Variants in MON2 observed in about 807,000 individuals in gnomAD.
MON2 encodes the protein MON2 regulator of endosome-to-Golgi trafficking, also known as protein MON2 homolog.
MON2 carries 84 observed loss-of-function variants against 208.6 expected under a neutral mutation model. That is an observed-to-expected ratio of 0.40 (90% CI 0.34 to 0.48). The LOEUF (loss-of-function observed/expected upper bound fraction) is 0.48. MON2 is among the 20% of genes least tolerant of loss of function. The pLI, the probability that MON2 is intolerant of heterozygous loss-of-function variation, is 0.59. For missense variants in MON2, 1,611 were observed against 2,015.4 expected, an observed-to-expected ratio of 0.80 and a Z score of 3.84; for synonymous variants, 660 against 694.0, an observed-to-expected ratio of 0.95 and a Z score of 0.77.
chr12:62,469,882 TTTTATTTATTTA>T (rs369624327), intron 1 of MON2, among the ~76,000 whole-genome samples: 1 of 117,802 alleles, frequency 8.5e-6, no homozygotes, highest in Non-Finnish European at 1.8e-5. Context: ...TTGACTATTA[TTTTATTTATTTA>T]TTTATTTATT....
chr12:62,577,900 A>G (rs2074850340), intron 30 of MON2, among the ~76,000 whole-genome samples: 2 of 152,116 alleles, frequency 1.3e-5, no homozygotes, highest in African/African-American at 4.8e-5. Flanking sequence ...TCTCAGAACT[A>G]TTGATTTTCT....
chr12:62,497,707 C>CCAGGCTCAAGGAATTCTCGTGCCT (rs2070601236), intron 4 of MON2, among the ~76,000 whole-genome samples: 1 of 152,114 alleles, frequency 6.6e-6, no homozygotes, highest in South Asian at 2.1e-4. Flanking sequence ...CTTCCACCTC[C>CCAGGCTCAAGGAATTCTCGTGCCT]CAGGCTCAAG....
rs1242978505 is a variant in MON2, at chr12:62,571,504, AG to A, written c.4437del (p.Gln1479HisfsTer15). On this transcript the variant is annotated frameshift_variant, in exon 30 of 35. Transcript: ENST00000393630. LOFTEE classifies it high-confidence loss of function. ...VLSIGLPVAR[Q>X]HASSGKFDSM... Reference sequence around the variant, plus strand: ...TCTATTGGGCTACCTGTTGCCCGGCAGCATGCTTCTTCTGGAAAATTTGACA... The same window carrying A: ...TCTATTGGGCTACCTGTTGCCCGGCACATGCTTCTTCTGGAAAATTTGACA... 6.2e-7 allele frequency: 1 copy of A among 1,613,986 alleles called. No homozygotes were observed. The highest frequency in any genetic ancestry group is 8.5e-7 in the Non-Finnish European group (1 of 1,179,980).
chr12:62,532,731 T>C lies in MON2; in HGVS notation c.1633+61T>C. The C allele has an allele frequency of 4.6e-6, 6 of 1,295,264 alleles. No individual in the cohort carries two copies. In the East Asian group the frequency reaches 7.4e-5, roughly 16 times the overall value. The allele number at this position is 1,295,264 out of a possible 1,614,324, so 80.2% of individuals were successfully genotyped here. A position where few individuals can be genotyped will look rare whatever the true frequency, so the allele number is the denominator to read the frequency against. On this transcript the variant is annotated intron_variant, in intron 12 of 34. Transcript: ENST00000393630. ...ATTTGAAATTTACAATTTGCAAAAA[T>C]TGTAGTCTTTATAAATCTTTCACCC...
chr12:62,546,086 C>T (rs981129412), intron 21 of MON2, among the ~76,000 whole-genome samples: 2 of 151,988 alleles, frequency 1.3e-5, no homozygotes, highest in Admixed American at 6.5e-5. Flanking sequence ...CAACAAATTT[C>T]GTGGTTTTAT....
chr12:62,515,741 G>C (rs2071651450), intron 8 of MON2, among the ~76,000 whole-genome samples: 2 of 150,904 alleles, frequency 1.3e-5, no homozygotes, highest in South Asian at 4.2e-4. Flanking sequence ...CTTGAATCTG[G>C]GAGGCAGACG....
chr12:62,525,010 C>T, intron 9 of MON2, 74 bp from the exon 10 acceptor site: 1 of 1,245,472 alleles, frequency 8.0e-7, no homozygotes, highest in Non-Finnish European at 1.1e-6. Context: ...AGTAATATCA[C>T]TTGCTATAAA....
chr12:62,474,714 G>A (rs548802202), intron 1 of MON2, among the ~76,000 whole-genome samples: 5 of 152,294 alleles, frequency 3.3e-5, no homozygotes, highest in African/African-American at 9.6e-5. Flanking sequence ...GTGAGCCATC[G>A]CGGCCAGCCA....
intron 29 of MON2, among the ~76,000 whole-genome samples, chr12:62,568,008 T>A: frequency 6.6e-6 from 1 of 152,232 alleles, no homozygotes; most frequent in Non-Finnish European, 1.5e-5. Flanking sequence ...CATTTAATGA[T>A]GCTTGCCAAG....
In MON2 at chr12:62,525,228, C is replaced by G; in HGVS notation, c.1246+8C>G. On this transcript the variant is annotated splice_region_variant and intron_variant, in intron 10 of 34. Coordinates refer to ENST00000393630, the MANE Select transcript of MON2 (RefSeq NM_015026.3). ...CAACAAGCAACCAAGCTGGTAAAAA[C>G]ATATTCATAATTTTGTTTCTTATAT... 6.2e-7 allele frequency: 1 copy of G among 1,612,452 alleles called. No homozygotes were observed. Among genetic ancestry groups the G allele is most frequent in the Non-Finnish European group, 8.5e-7 (1 of 1,178,824 alleles).
Position 62,546,859 on chromosome 12 carries a change from G to T in MON2, c.2578-38G>T. 4 of 1,495,956 alleles carry T rather than the reference G, an allele frequency of 2.7e-6. No homozygotes were observed. In the South Asian group the frequency reaches 4.0e-5, roughly 15 times the overall value. The allele number at this position is 1,495,956 out of a possible 1,614,324, so 92.7% of individuals were successfully genotyped here. On this transcript the variant is annotated intron_variant, in intron 21 of 34. Coordinates refer to ENST00000393630, the MANE Select transcript of MON2 (RefSeq NM_015026.3). ...ACAGTAAAGCCTTCTTGTCTTTTTGGACTTCTCTTCCTAATTAGTTTCTTG... is the reference window on the plus strand; with the variant it reads ...ACAGTAAAGCCTTCTTGTCTTTTTGTACTTCTCTTCCTAATTAGTTTCTTG...
chr12:62,546,869 C>G (rs768140396), intron 21 of MON2, 28 bp from the exon 22 acceptor site: 3 of 1,535,106 alleles, frequency 2.0e-6, no homozygotes, highest in Non-Finnish European at 2.6e-6. Flanking sequence ...GACTTCTCTT[C>G]CTAATTAGTT....
chr12:62,521,377 A>G (rs571205329), intron 8 of MON2, among the ~76,000 whole-genome samples: 4 of 152,310 alleles, frequency 2.6e-5, no homozygotes, highest in Admixed American at 2.0e-4. Context: ...GAAGAATCCA[A>G]TGACACTAGT....
At chr12:62,546,443 T>C (rs2073485436) in intron 21 of MON2, among the ~76,000 whole-genome samples, 1 of 152,168 alleles carries the variant, frequency 6.6e-6, no homozygotes, top group Non-Finnish European at 1.5e-5. Context: ...ATAAATGATA[T>C]TTGATGTTTA....
At chr12:62,499,396 A>G (rs2070715370) in intron 5 of MON2, among the ~76,000 whole-genome samples, 1 of 152,042 alleles carries the variant, frequency 6.6e-6, no homozygotes, top group Non-Finnish European at 1.5e-5. Flanking sequence ...GCCATTCTGT[A>G]ATTTAACTGA....
chr12:62,567,464 TC>T (rs1280679894), intron 29 of MON2, among the ~76,000 whole-genome samples: 4 of 152,182 alleles, frequency 2.6e-5, no homozygotes, highest in African/African-American at 9.6e-5. Context: ...TTGGCTTACG[TC>T]CATATTGCTC....
chr12:62,467,782 G>A (rs1201262885), intron 1 of MON2, among the ~76,000 whole-genome samples: 2 of 152,112 alleles, frequency 1.3e-5, no homozygotes, highest in Non-Finnish European at 2.9e-5. Flanking sequence ...TCAATCCTTT[G>A]ACGTGTTAAT....
chr12:62,565,664 T>G lies in MON2; in HGVS notation c.4176+284T>G, dbSNP rs540964942. Among the ~76,000 whole-genome samples, 16 of 152,276 alleles carry G rather than the reference T, an allele frequency of 1.1e-4. No homozygotes were observed. The South Asian group carries it at 3.3e-3, about 32-fold the overall frequency. On this transcript the variant is annotated intron_variant, in intron 27 of 34. Transcript: ENST00000393630. ...TACATCTTTCTTGAAAAATATAAGT[T>G]CCTTTGTACCTCTTTCTTGGTTGCC...
chr12:62,535,963 G>T (rs1051080695), intron 14 of MON2, among the ~76,000 whole-genome samples: 6 of 151,780 alleles, frequency 4.0e-5, no homozygotes, highest in Non-Finnish European at 1.5e-5. Flanking sequence ...CAAAGGAAAG[G>T]CTCATTGGAT....
Sources: allele counts gnomAD v4.1 joint callset (sites outside exome capture counted in the v4.1 genomes callset), GRCh38; gene constraint gnomAD v4.1.1; transcripts MANE v1.5; gene names NCBI Gene and HGNC (gene_info 2026-07-23, HGNC 2026-07-21).